TNKS: variants seen among roughly 807,000 people sequenced by gnomAD.
TNKS encodes tankyrase, also known as poly [ADP-ribose] polymerase tankyrase-1.
Under a neutral mutation model 135.8 loss-of-function variants are expected in TNKS, and 72 were observed. The ratio of observed to expected loss-of-function variants is 0.53; its 90% CI spans 0.44 to 0.64. The LOEUF is 0.64. Ranked by LOEUF, TNKS falls within the 30% of genes least tolerant of loss-of-function variation. The pLI is 0.00. For synonymous variants in TNKS, 849 were observed against 649.3 expected (o/e 1.31, Z -4.68); for missense variants, 1,769 against 1,674.0 (o/e 1.06, Z -0.99).
chr8:9,688,965 T>G (rs1482894116), intron 5 of TNKS, among the ~76,000 whole-genome samples: 1 of 152,146 alleles, frequency 6.6e-6, no homozygotes, highest in Non-Finnish European at 1.5e-5. Flanking sequence ...ATGTCTGTAC[T>G]TAGAAGGGCA....
At chr8:9,731,104 A>C in intron 14 of TNKS, 69 bp downstream of exon 14, 1 of 1,423,846 alleles carries the variant, frequency 7.0e-7, no homozygotes, top group Non-Finnish European at 9.3e-7. Flanking sequence ...ATATTTTTGA[A>C]GTCTTAGATT....
chr8:9,678,982 C>G (rs777705320), intron 3 of TNKS, among the ~76,000 whole-genome samples: 1 of 152,112 alleles, frequency 6.6e-6, no homozygotes, highest in Non-Finnish European at 1.5e-5. Flanking sequence ...ACTGAAGGAA[C>G]AAACACTGTA....
chr8:9,726,859 A>T (rs904600670), intron 13 of TNKS, 139 bp downstream of exon 13: 12 of 678,962 alleles, frequency 1.8e-5, no homozygotes, highest in Non-Finnish European at 3.0e-5. Context: ...AATCTGTACT[A>T]CTATTAAGGA....
chr8:9,724,673 A>T (rs1230912060), intron 12 of TNKS, among the ~76,000 whole-genome samples: 1 of 152,152 alleles, frequency 6.6e-6, no homozygotes, highest in African/African-American at 2.4e-5. Context: ...GGCCTTATTC[A>T]AGATATGTAA....
chr8:9,751,265 T>C (rs1009331703), intron 18 of TNKS, among the ~76,000 whole-genome samples: 2 of 152,256 alleles, frequency 1.3e-5, no homozygotes, highest in Non-Finnish European at 2.9e-5. Context: ...CATGAAATTA[T>C]TAAGTGTGAA....
intron 3 of TNKS, among the ~76,000 whole-genome samples, chr8:9,645,937 A>G (rs1286132667): frequency 6.6e-6 from 1 of 152,166 alleles, no homozygotes; most frequent in Non-Finnish European, 1.5e-5. Flanking sequence ...AAATAAAATA[A>G]CTGTGTTCCC....
intron 2 of TNKS, among the ~76,000 whole-genome samples, chr8:9,581,511 T>A (rs781169248): frequency 1.3e-5 from 2 of 152,214 alleles, no homozygotes; most frequent in Non-Finnish European, 2.9e-5. Context: ...CTTCAACTTA[T>A]AACATCCTCT....
chr8:9,594,578 C>A (rs4610751), intron 2 of TNKS, among the ~76,000 whole-genome samples: 45,163 of 151,974 alleles, frequency 0.3, 6,954 homozygotes, highest in East Asian at 0.5. Context: ...AAAATGAGAT[C>A]ATTCCACCAT....
At position 9,556,473 on chromosome 8, in the gene TNKS, A is replaced by G. The variant is rs755184123; in HGVS notation, c.534A>G (p.Ala178=). Residue 178 remains alanine (A), a synonymous_variant, in exon 1 of 27, where the codon GCA becomes GCG. Coordinates refer to ENST00000310430, the MANE Select transcript of TNKS (RefSeq NM_003747.3). ...GAAGPGTGVP[A]VSGALRELLE... ...CAGGACCTGGGACAGGGGTCCCAGC[A>G]GTGAGCGGGGCCCTACGGGAACTGC... 6.2e-7 allele frequency: 1 copy of G among 1,614,146 alleles called. No individual in the cohort carries two copies. Among genetic ancestry groups the G allele is most frequent in the South Asian group, 1.1e-5 (1 of 91,086 alleles).
chr8:9,651,392 C>T (rs1287421946), intron 3 of TNKS, among the ~76,000 whole-genome samples: 3 of 152,064 alleles, frequency 2.0e-5, no homozygotes, highest in African/African-American at 4.8e-5. Context: ...TGAATGCCAT[C>T]GGTCAAAGAC....
intron 14 of TNKS, among the ~76,000 whole-genome samples, chr8:9,732,436 C>G (rs978859536): frequency 6.6e-6 from 1 of 152,104 alleles, no homozygotes; most frequent in Non-Finnish European, 1.5e-5. Flanking sequence ...CGATTTAGGC[C>G]TCATCGAACC....
chr8:9,596,673 A>G (rs890706944), intron 2 of TNKS, among the ~76,000 whole-genome samples: 1 of 152,252 alleles, frequency 6.6e-6, no homozygotes, highest in Non-Finnish European at 1.5e-5. Flanking sequence ...TTGGATCAAT[A>G]CATCTGAAAT....
At position 9,580,717 on chromosome 8, in the gene TNKS, A is replaced by T. The variant is rs757348690; in HGVS notation, c.898+334A>T. ...CAATGAGAGCCATTATAAAGTACAAATTCTACTGAGTTGGATGACATTTGA... is the reference window on the plus strand; with the variant it reads ...CAATGAGAGCCATTATAAAGTACAATTTCTACTGAGTTGGATGACATTTGA... On this transcript the variant is annotated intron_variant, in intron 2 of 26. Coordinates refer to ENST00000310430, the MANE Select transcript of TNKS (RefSeq NM_003747.3). 6.8e-4 allele frequency among the ~76,000 whole-genome samples: 103 copies of T among 152,260 alleles called. 2 individuals are homozygous for T. Among genetic ancestry groups the T allele is most frequent in the Middle Eastern group, 3.4e-3 (1 of 294 alleles).
chr8:9,558,405 C>A (rs550070448), intron 1 of TNKS: 68 of 152,122 alleles, frequency 4.5e-4, no homozygotes, highest in African/African-American at 1.6e-3. Flanking sequence ...ATTTCTTTTT[C>A]CTTAGGCTAA....
intron 3 of TNKS, among the ~76,000 whole-genome samples, chr8:9,659,192 C>CA (rs1325569719): frequency 6.6e-6 from 1 of 152,166 alleles, no homozygotes; most frequent in Non-Finnish European, 1.5e-5. Flanking sequence ...AGAAAGTTAA[C>CA]AAAGATATCC....
intron 3 of TNKS, chr8:9,679,689 C>G (rs774557235): frequency 4.9e-6 from 2 of 407,572 alleles, no homozygotes; most frequent in South Asian, 4.0e-5. Flanking sequence ...TTTCTGGACA[C>G]GAGATTTAGC....
At chr8:9,611,796 G>A (rs1182759294) in intron 2 of TNKS, among the ~76,000 whole-genome samples, 2 of 152,154 alleles carry the variant, frequency 1.3e-5, no homozygotes, top group Non-Finnish European at 2.9e-5. Context: ...GAAATTGCTT[G>A]GGGAATATTG....
At chr8:9,586,602 C>T (rs555649882) in intron 2 of TNKS, among the ~76,000 whole-genome samples, 2 of 152,094 alleles carry the variant, frequency 1.3e-5, no homozygotes, top group South Asian at 2.1e-4. Flanking sequence ...CAGATTCATT[C>T]AGTCAAATGT....
In TNKS at chr8:9,772,506, G is replaced by A. The variant is rs192184430; in HGVS notation, c.3897+2244G>A. ...CTTCAAAAATGTTAATATTATAAAAGAAAGGCTGTGCTAACTTTCCAGATT... is the reference window on the plus strand; with the variant it reads ...CTTCAAAAATGTTAATATTATAAAAAAAAGGCTGTGCTAACTTTCCAGATT... On this transcript the variant is annotated intron_variant, in intron 26 of 26. Transcript: ENST00000310430. The A allele has an allele frequency of 1.1e-5, 5 of 439,822 alleles. No individual in the cohort carries two copies. The East Asian group carries it at 2.8e-4, about 25-fold the overall frequency. 27.2% of individuals were successfully genotyped at this position (439,822 alleles called of 1,614,324 possible). A position where few individuals can be genotyped will look rare whatever the true frequency, so the allele number is the denominator to read the frequency against.
Sources: allele counts gnomAD v4.1 joint callset (sites outside exome capture counted in the v4.1 genomes callset), GRCh38; gene constraint gnomAD v4.1.1; transcripts MANE v1.5; gene names NCBI Gene and HGNC (gene_info 2026-07-23, HGNC 2026-07-21).